The following ACTN2 variants were observed in gnomAD, a reference collection of about 807,000 sequenced individuals.
The protein encoded by ACTN2 is alpha-actinin-2.
In ACTN2, 39 loss-of-function variants were observed where a neutral mutation model predicts 113.8. That is an observed-to-expected ratio of 0.34 (90% confidence interval 0.27 to 0.45). The LOEUF is 0.45. ACTN2 is among the 20% of genes least tolerant of loss of function. The pLI is 1.00. For synonymous variants in ACTN2, 429 were observed against 444.1 expected (o/e 0.97, Z 0.43); for missense variants, 992 against 1,177.9 (o/e 0.84, Z 2.31).
At chr1:236,709,220 G>GTGTGTGTATATA (rs1275373436) in intron 1 of ACTN2, among the ~76,000 whole-genome samples, 56 of 66,830 alleles carry the variant, frequency 8.4e-4, no homozygotes, top group African/African-American at 3.3e-3. Context: ...ACAAATGACT[G>GTGTGTGTATATA]TATATATATA....
Position 236,727,697 on chromosome 1 carries a change from C to G in ACTN2, c.556C>G (p.Leu186Val), listed in dbSNP as rs371930065. 6.8e-6 allele frequency: 11 copies of G among 1,614,002 alleles called. No individual in the cohort carries two copies. Among genetic ancestry groups the G allele is most frequent in the Non-Finnish European group, 8.5e-6 (10 of 1,179,990 alleles). Residue 186 changes from leucine (L) to valine (V), a missense_variant, in exon 6 of 21, where the codon CTC (leucine) becomes GTC (valine). Around this residue, in one of 3 missense-constraint regions of ACTN2, gnomAD observed 220 missense variants for 337.5 expected, o/e 0.65. Transcript: ENST00000366578. ...FHTSWKDGLG[L>V]CALIHRHRPD... ...GTGAAGCTGGAAAGATGGCCTTGGA[C>G]TCTGTGCCCTCATCCACCGACACCG...
intron 15 of ACTN2, among the ~76,000 whole-genome samples, chr1:236,752,816 G>C (rs1482353552): frequency 2.6e-5 from 4 of 152,028 alleles, no homozygotes; most frequent in African/African-American, 9.7e-5. Flanking sequence ...GCCTCCCAAA[G>C]TGCTGGGATT....
intron 15 of ACTN2, 59 bp downstream of exon 15, chr1:236,751,711 G>A: frequency 1.2e-6 from 2 of 1,606,196 alleles, no homozygotes; most frequent in Admixed American, 1.7e-5. Context: ...GACGTCGAAG[G>A]AGGAAGTTAA....
intron 1 of ACTN2, among the ~76,000 whole-genome samples, chr1:236,715,862 G>A (rs547892342): frequency 6.8e-4 from 103 of 152,212 alleles, no homozygotes; most frequent in African/African-American, 2.4e-3. Context: ...TGGTTGAGGC[G>A]GGAGAATCAC....
chr1:236,714,957 T>C, intron 1 of ACTN2, among the ~76,000 whole-genome samples: 1 of 21,986 alleles, frequency 4.5e-5, no homozygotes, highest in Admixed American at 6.4e-4. Flanking sequence ...TATACACAGA[T>C]ACCACTGAAG....
intron 18 of ACTN2, among the ~76,000 whole-genome samples, chr1:236,759,344 A>G (rs1659638653): frequency 6.6e-6 from 1 of 152,218 alleles, no homozygotes; most frequent in Non-Finnish European, 1.5e-5. Context: ...GATGATCACA[A>G]TCTTTTGCAA....
chr1:236,732,422 T>C (rs1273234620), intron 7 of ACTN2, among the ~76,000 whole-genome samples: 1 of 142,768 alleles, frequency 7.0e-6, no homozygotes, highest in African/African-American at 2.7e-5. Context: ...TTCTTTTCTT[T>C]TTCTTTTTAT....
chr1:236,754,956 C>A lies in ACTN2; in HGVS notation c.1975-63C>A. ...CAGGGTCTGGAACGGCGCCTCGTGC[C>A]GAGCTCCCTTAGAGGGCACTTCACT... On this transcript the variant is annotated intron_variant, in intron 16 of 20. Coordinates refer to ENST00000366578, the MANE Select transcript of ACTN2 (RefSeq NM_001103.4). The surrounding 1 kb of genome is among the most constrained non-coding windows in gnomAD (Gnocchi z 4.9). The A allele has an allele frequency of 6.2e-7, 1 of 1,604,610 alleles. No homozygotes were observed. The highest frequency in any genetic ancestry group is 8.5e-7 in the Non-Finnish European group (1 of 1,172,258).
Position 236,747,915 on chromosome 1 carries a change from G to A in ACTN2, c.1515+140G>A, listed in dbSNP as rs777946806. ...GGAACCTCTAAAGAAAACATGAAAA[G>A]TGGAAGAAAGAGGGAAATGGGAAGT... On this transcript the variant is annotated intron_variant, in intron 13 of 20. Coordinates refer to ENST00000366578, the MANE Select transcript of ACTN2 (RefSeq NM_001103.4). The A allele has an allele frequency of 5.7e-6, 4 of 702,246 alleles. No homozygotes were observed. The East Asian group carries it at 1.1e-4, about 19-fold the overall frequency. The allele number at this position is 702,246 out of a possible 1,614,324, so 43.5% of individuals were successfully genotyped here. A position where few individuals can be genotyped will look rare whatever the true frequency, so the allele number is the denominator to read the frequency against.
At chr1:236,730,610 GTT>G (rs1430627676) in intron 6 of ACTN2, among the ~76,000 whole-genome samples, 1 of 152,060 alleles carries the variant, frequency 6.6e-6, no homozygotes, top group African/African-American at 2.4e-5. Flanking sequence ...CTCTGGTTAA[GTT>G]TATTTTGCTA....
intron 1 of ACTN2, among the ~76,000 whole-genome samples, chr1:236,701,557 T>C (rs1021684989): frequency 2.6e-5 from 4 of 152,226 alleles, no homozygotes; most frequent in East Asian, 1.9e-4. Flanking sequence ...TTGACTGTTA[T>C]ACTTTTGGTT....
intron 1 of ACTN2, among the ~76,000 whole-genome samples, chr1:236,705,424 G>A (rs1038713781): frequency 7.9e-5 from 12 of 152,140 alleles, no homozygotes; most frequent in Admixed American, 1.3e-4. Context: ...CTGGTAAGCC[G>A]TTACAACCAG....
At chr1:236,712,532 AT>A (rs928457349) in intron 1 of ACTN2, among the ~76,000 whole-genome samples, 6 of 152,226 alleles carry the variant, frequency 3.9e-5, no homozygotes, top group Admixed American at 3.3e-4. Context: ...ATATATATCT[AT>A]AAAAAGGTAA....
chr1:236,724,293 A>C (rs1658483236), intron 4 of ACTN2, among the ~76,000 whole-genome samples: 1 of 152,138 alleles, frequency 6.6e-6, no homozygotes, highest in Admixed American at 6.5e-5. Context: ...ATCTCACCCT[A>C]AGCACCTCCT....
intron 9 of ACTN2, 83 bp downstream of exon 9, chr1:236,737,297 G>GTATATATATATATATATATATATA: frequency 0.017 from 5,630 of 321,858 alleles, 1,861 homozygotes; most frequent in Non-Finnish European, 0.023. Flanking sequence ...CTCCGTGGGG[G>GTATATATATATATATATATATATA]CATATATATA....
intron 4 of ACTN2, among the ~76,000 whole-genome samples, chr1:236,722,900 C>T (rs1382894434): frequency 6.6e-6 from 1 of 152,170 alleles, no homozygotes; most frequent in Non-Finnish European, 1.5e-5. Context: ...GTAATTCACA[C>T]AAGGTTGTTA....
At chr1:236,698,968 G>A (rs150626348) in intron 1 of ACTN2, among the ~76,000 whole-genome samples, 26 of 152,204 alleles carry the variant, frequency 1.7e-4, no homozygotes, top group East Asian at 1.3e-3. Context: ...AGTGGTAGCC[G>A]GAAAATGCAC....
At chr1:236,704,302 C>G (rs985960870) in intron 1 of ACTN2, among the ~76,000 whole-genome samples, 1 of 152,160 alleles carries the variant, frequency 6.6e-6, no homozygotes, top group East Asian at 1.9e-4. Flanking sequence ...ACAGTCAACC[C>G]AGAAGACTTC....
intron 1 of ACTN2, among the ~76,000 whole-genome samples, chr1:236,696,671 T>A (rs1256687165): frequency 1.2e-4 from 18 of 151,146 alleles, no homozygotes; most frequent in Admixed American, 1.2e-3. Flanking sequence ...CCACTATTTT[T>A]TTTTTTTTTT....
Sources: gnomAD v4.1 joint callset for allele counts (sites outside exome capture counted in the v4.1 genomes callset) on GRCh38, gnomAD v4.1.1 for gene constraint, gnomAD v4.1.1 regional missense constraint, Gnocchi (gnomAD v3.1) non-coding constraint, MANE v1.5 for transcripts, NCBI Gene and HGNC (gene_info 2026-07-23, HGNC 2026-07-21) for gene names.